The following MAP3K5 variants were observed in gnomAD, a reference collection of about 807,000 sequenced individuals.
MAP3K5 encodes ASK-1.
A neutral mutation model predicts 158.7 loss-of-function variants in MAP3K5; 56 were observed. That is an observed-to-expected ratio of 0.35 (90% CI 0.28 to 0.44). MAP3K5 has a LOEUF of 0.44. MAP3K5 is among the 20% of genes least tolerant of loss of function. MAP3K5 has a pLI of 1.00. For missense variants in MAP3K5, 1,294 were observed against 1,674.8 expected, an observed-to-expected ratio of 0.77 and a Z score of 3.97; for synonymous variants, 579 against 601.7, an observed-to-expected ratio of 0.96 and a Z score of 0.55.
chr6:136,729,458 A>C (rs1392447792), intron 1 of MAP3K5, among the ~76,000 whole-genome samples: 1 of 152,224 alleles, frequency 6.6e-6, no homozygotes, highest in African/African-American at 2.4e-5. Flanking sequence ...CTCACCATGA[A>C]TGGTAATCAC....
chr6:136,712,482 C>G (rs1356141068), intron 2 of MAP3K5, among the ~76,000 whole-genome samples: 1 of 152,160 alleles, frequency 6.6e-6, no homozygotes, highest in East Asian at 1.9e-4. Context: ...CTTCTTAACA[C>G]AAACTTCACT....
At chr6:136,724,796 A>G (rs1781896981) in intron 1 of MAP3K5, among the ~76,000 whole-genome samples, 2 of 152,212 alleles carry the variant, frequency 1.3e-5, no homozygotes, top group Non-Finnish European at 2.9e-5. Flanking sequence ...TAATTGTCAT[A>G]GAGCAAAATT....
chr6:136,622,474 C>T (rs181431653), intron 15 of MAP3K5, among the ~76,000 whole-genome samples: 1 of 152,350 alleles, frequency 6.6e-6, no homozygotes, highest in East Asian at 1.9e-4. Flanking sequence ...CAGCTTTCTA[C>T]TTGTTAAGAT....
intron 23 of MAP3K5, among the ~76,000 whole-genome samples, chr6:136,587,272 C>T (rs1370364367): frequency 1.3e-5 from 2 of 152,042 alleles, no homozygotes; most frequent in African/African-American, 4.8e-5. Context: ...AGAAACAATA[C>T]AATGGCAATA....
chr6:136,756,858 G>A (rs552742282), intron 1 of MAP3K5, among the ~76,000 whole-genome samples: 1 of 152,276 alleles, frequency 6.6e-6, no homozygotes, highest in South Asian at 2.1e-4. Context: ...ATGTGGATAA[G>A]GTCTCCTTTT....
intron 14 of MAP3K5, among the ~76,000 whole-genome samples, chr6:136,627,890 T>G (rs1322216474): frequency 2.6e-5 from 4 of 152,236 alleles, no homozygotes; most frequent in Non-Finnish European, 4.4e-5. Flanking sequence ...GTCTGGACAC[T>G]TGAGCTCTTC....
At chr6:136,619,336 T>G (rs1776703054) in intron 15 of MAP3K5, among the ~76,000 whole-genome samples, 1 of 152,148 alleles carries the variant, frequency 6.6e-6, no homozygotes, top group African/African-American at 2.4e-5. Context: ...GCCTTGTGAT[T>G]CAAAGTAAGG....
intron 7 of MAP3K5, among the ~76,000 whole-genome samples, chr6:136,688,781 A>G (rs760518122): frequency 6.6e-6 from 1 of 152,238 alleles, no homozygotes; most frequent in Non-Finnish European, 1.5e-5. Context: ...TTCTAACTTC[A>G]TAGGAGATGT....
chr6:136,737,556 A>C (rs1782529364), intron 1 of MAP3K5, among the ~76,000 whole-genome samples: 1 of 152,202 alleles, frequency 6.6e-6, no homozygotes, highest in East Asian at 1.9e-4. Flanking sequence ...AAGTCCCTCC[A>C]AGGAGCCCTT....
At chr6:136,617,499 G>A (rs531981588) in intron 15 of MAP3K5, among the ~76,000 whole-genome samples, 1 of 152,266 alleles carries the variant, frequency 6.6e-6, no homozygotes, top group South Asian at 2.1e-4. Flanking sequence ...TGCCAACCTT[G>A]ACTGGATATT....
chr6:136,785,114 G>C (rs1784788276), intron 1 of MAP3K5, among the ~76,000 whole-genome samples: 1 of 152,202 alleles, frequency 6.6e-6, no homozygotes. Flanking sequence ...GCAGAAGTGG[G>C]CTGGACAATT....
At chr6:136,605,801 C>A (rs1776074172) in intron 18 of MAP3K5, among the ~76,000 whole-genome samples, 1 of 152,200 alleles carries the variant, frequency 6.6e-6, no homozygotes, top group Non-Finnish European at 1.5e-5. Context: ...ATTTCCTTAG[C>A]TCTATCTCTA....
At chr6:136,706,884 C>T (rs1188637544) in intron 2 of MAP3K5, among the ~76,000 whole-genome samples, 4 of 152,222 alleles carry the variant, frequency 2.6e-5, no homozygotes, top group Admixed American at 6.5e-5. Flanking sequence ...CCGTGGCTGA[C>T]GCCTGTAAAT....
At chr6:136,566,650 C>T (rs1774122903) in intron 26 of MAP3K5, among the ~76,000 whole-genome samples, 2 of 152,190 alleles carry the variant, frequency 1.3e-5, no homozygotes, top group Admixed American at 6.5e-5. Context: ...ATATGAAAGT[C>T]AGAGAGGCAA....
chr6:136,569,303 C>A (rs1308529511), intron 25 of MAP3K5, among the ~76,000 whole-genome samples: 1 of 152,176 alleles, frequency 6.6e-6, no homozygotes, highest in Admixed American at 6.5e-5. Flanking sequence ...CTTTCCAGGT[C>A]TTTTCCTGAT....
intron 1 of MAP3K5, among the ~76,000 whole-genome samples, chr6:136,785,014 T>G (rs774495854): frequency 6.6e-6 from 1 of 152,116 alleles, no homozygotes; most frequent in Non-Finnish European, 1.5e-5. Flanking sequence ...AACTGGTTCG[T>G]GGGAACCACT....
intron 4 of MAP3K5, among the ~76,000 whole-genome samples, 160 bp from the exon 5 acceptor site, chr6:136,697,547 G>C (rs865878801): frequency 6.7e-6 from 1 of 149,956 alleles, no homozygotes; most frequent in Middle Eastern, 3.4e-3. Flanking sequence ...TTACATATCT[G>C]GCATTATTAA....
At chr6:136,600,811 C>A (rs9376213) in intron 21 of MAP3K5, among the ~76,000 whole-genome samples, 1,818 of 152,022 alleles carry the variant, frequency 0.012, 27 homozygotes, top group East Asian at 0.085. Flanking sequence ...TAAGCCATCC[C>A]CACTCATGAA....
chr6:136,754,466 C>A (rs1783377568), intron 1 of MAP3K5, among the ~76,000 whole-genome samples: 1 of 151,818 alleles, frequency 6.6e-6, no homozygotes. Flanking sequence ...ATAGTCCTAG[C>A]TACTCGGAAG....
Sources: allele counts gnomAD v4.1 joint callset (sites outside exome capture counted in the v4.1 genomes callset), GRCh38; gene constraint gnomAD v4.1.1; transcripts MANE v1.5; gene names NCBI Gene and HGNC (gene_info 2026-07-23, HGNC 2026-07-21).